Variants in PCDHA4 observed in about 807,000 individuals in gnomAD.
PCDHA4 encodes the protein protocadherin alpha-4.
In PCDHA4, 49 loss-of-function variants were observed where a neutral mutation model predicts 61.4. That is an observed-to-expected ratio of 0.80 (90% confidence interval 0.63 to 1.01). The LOEUF (loss-of-function observed/expected upper bound fraction) is 1.01, where lower values mean the gene tolerates loss of function less well. Ranked by LOEUF, PCDHA4 falls within the 50% of genes least tolerant of loss-of-function variation. The pLI is 0.00. For synonymous variants in PCDHA4, 590 were observed against 550.3 expected (o/e 1.07, Z -1.01); for missense variants, 1,254 against 1,235.8 (o/e 1.01, Z -0.22).
At chr5:140,870,863 G>A in intron 1 of PCDHA4, 1 of 1,613,928 alleles carries the variant, frequency 6.2e-7, no homozygotes, top group Non-Finnish European at 8.5e-7. Flanking sequence ...GTGGGTGCGG[G>A]CCACGTGGTG....
At position 140,853,823 on chromosome 5, in the gene PCDHA4, T is replaced by C. The variant is rs1332082202; in HGVS notation, c.2385+44251T>C. On this transcript the variant is annotated intron_variant, in intron 1 of 3. Transcript: ENST00000530339. ...TAAAGCACACCTGAGATGATTCTCA[T>C]ACAACCGAAATTTTAGATCCATAGC... 6.3e-5 allele frequency: 62 copies of C among 986,786 alleles called. 2 individuals are homozygous for C. The highest frequency in any genetic ancestry group is 7.3e-5 in the Non-Finnish European group (60 of 818,922). The allele number at this position is 986,786 out of a possible 1,614,324, so 61.1% of individuals were successfully genotyped here. A position where few individuals can be genotyped will look rare whatever the true frequency, so the allele number is the denominator to read the frequency against.
chr5:140,964,747 G>C (rs1170890203), intron 1 of PCDHA4, among the ~76,000 whole-genome samples: 3 of 151,868 alleles, frequency 2.0e-5, no homozygotes, highest in Non-Finnish European at 4.4e-5. Context: ...AATTATTGTA[G>C]GGATGTTTGG....
intron 1 of PCDHA4, among the ~76,000 whole-genome samples, chr5:140,941,231 C>CTTTCTTTCTTTCTTTCTT (rs2092927472): frequency 2.2e-5 from 3 of 136,876 alleles, no homozygotes; most frequent in African/African-American, 8.3e-5. Context: ...TTCTTTCTTT[C>CTTTCTTTCTTTCTTTCTT]TTTCTTTCTT....
intron 1 of PCDHA4, among the ~76,000 whole-genome samples, chr5:140,933,949 G>A (rs184768008): frequency 6.6e-6 from 1 of 151,792 alleles, no homozygotes; most frequent in African/African-American, 2.4e-5. Flanking sequence ...CACATCTGCA[G>A]GATCTGTAGT....
intron 1 of PCDHA4, chr5:140,847,362 C>T (rs1444226307): frequency 6.7e-6 from 1 of 149,420 alleles, no homozygotes; most frequent in Non-Finnish European, 1.5e-5. Context: ...AGTAGAAATA[C>T]GAAATAAAAG....
intron 1 of PCDHA4, among the ~76,000 whole-genome samples, chr5:140,875,029 T>C (rs1288139866): frequency 6.6e-6 from 1 of 152,256 alleles, no homozygotes; most frequent in Non-Finnish European, 1.5e-5. Flanking sequence ...TGGCCTACTG[T>C]ATTTGAAAGA....
chr5:141,001,069 C>T (rs1422093659), intron 3 of PCDHA4, among the ~76,000 whole-genome samples: 15 of 152,106 alleles, frequency 9.9e-5, no homozygotes, highest in African/African-American at 3.1e-4. Flanking sequence ...AAATTAAATA[C>T]ATGCAAAATA....
intron 1 of PCDHA4, among the ~76,000 whole-genome samples, chr5:140,914,947 T>TC (rs1232423561): frequency 7.0e-6 from 1 of 142,282 alleles, no homozygotes; most frequent in Non-Finnish European, 1.5e-5. Context: ...AAGTTGTCTT[T>TC]TTTTTTTTTT....
At position 140,876,322 on chromosome 5, in the gene PCDHA4, A is replaced by C. The variant is rs146464308; in HGVS notation, c.2385+66750A>C. On this transcript the variant is annotated intron_variant, in intron 1 of 3. Transcript: ENST00000530339. ...AGAAATTTCCTATGGGATCAAAATG[A>C]TTTTGCCAGTGAGTGAGAAATGTAT... 2.9e-4 allele frequency: 465 copies of C among 1,614,034 alleles called. 1 individual carries two copies. In the African/African-American group the frequency reaches 5.7e-3, roughly 20 times the overall value.
chr5:140,875,040 T>G (rs1369679625), intron 1 of PCDHA4, among the ~76,000 whole-genome samples: 1 of 152,234 alleles, frequency 6.6e-6, no homozygotes, highest in East Asian at 1.9e-4. Context: ...ATTTGAAAGA[T>G]TTCTACTTTG....
chr5:140,925,836 C>G (rs2082758211), intron 1 of PCDHA4, among the ~76,000 whole-genome samples: 1 of 152,104 alleles, frequency 6.6e-6, no homozygotes, highest in African/African-American at 2.4e-5. Context: ...GACGGGTCGT[C>G]AAGTCTTTGA....
At chr5:140,929,250 G>A (rs995042103) in intron 1 of PCDHA4, 2 of 1,613,420 alleles carry the variant, frequency 1.2e-6, no homozygotes, top group Admixed American at 1.7e-5. Flanking sequence ...TTGCCACTGG[G>A]GTAGGACTGA....
chr5:140,941,960 A>G (rs569784391), intron 1 of PCDHA4, among the ~76,000 whole-genome samples: 6 of 152,354 alleles, frequency 3.9e-5, no homozygotes, highest in African/African-American at 1.4e-4. Flanking sequence ...AAACAATAGT[A>G]TCTTTACTTT....
In PCDHA4 at chr5:140,883,981, C is replaced by T. The variant is rs781859248; in HGVS notation, c.2385+74409C>T. 9.3e-6 allele frequency: 15 copies of T among 1,612,896 alleles called. No homozygotes were observed. In the South Asian group the frequency reaches 1.5e-4, roughly 17 times the overall value. ...CGGCGCTGCTGACGCCCGGGGCTGG[C>T]AGCGCGGGAGGCACAGTGAGCGAGC... On this transcript the variant is annotated intron_variant, in intron 1 of 3. Coordinates refer to ENST00000530339, the MANE Select transcript of PCDHA4 (RefSeq NM_018907.4).
At chr5:140,829,843 A>T in intron 1 of PCDHA4, 1 of 1,613,926 alleles carries the variant, frequency 6.2e-7, no homozygotes, top group Non-Finnish European at 8.5e-7. Flanking sequence ...TGCCGCGGTC[A>T]CTGGGTGCAG....
chr5:140,809,219 GCCT>G lies in PCDHA4; in HGVS notation c.2037_2039del (p.Ser680del), dbSNP rs1554125089. 8 of 1,614,078 alleles carry G rather than the reference GCCT, an allele frequency of 5.0e-6. No homozygotes were observed. On this transcript the variant is annotated inframe_deletion, in exon 1 of 4. Transcript: ENST00000530339. ...TGTGGAGAGTGGACAGGCGCCAAAG[GCCT>G]CCTCACGGGCGTTGGTGGGCGCTGT...
intron 1 of PCDHA4, chr5:140,821,785 T>G: frequency 6.2e-7 from 1 of 1,611,178 alleles, no homozygotes; most frequent in East Asian, 2.2e-5. Flanking sequence ...GATGGTATAT[T>G]CCCGGAGAGG....
intron 1 of PCDHA4, chr5:140,969,021 C>T (rs2096289420): frequency 8.1e-6 from 13 of 1,614,146 alleles, no homozygotes; most frequent in Non-Finnish European, 1.1e-5. Context: ...AGGGAAAGGT[C>T]CCCTGCAGAA....
chr5:141,000,421 A>ATTTTTTTTTTTTT (rs34755515), intron 3 of PCDHA4, among the ~76,000 whole-genome samples: 1 of 27,968 alleles, frequency 3.6e-5, no homozygotes, highest in African/African-American at 1.8e-4. Flanking sequence ...ATATATATAT[A>ATTTTTTTTTTTTT]TTTTTTTTTT....
Sources: allele counts gnomAD v4.1 joint callset (sites outside exome capture counted in the v4.1 genomes callset), GRCh38; gene constraint gnomAD v4.1.1; transcripts MANE v1.5; gene names NCBI Gene and HGNC (gene_info 2026-07-23, HGNC 2026-07-21).